Variants in ARHGAP24 observed in about 807,000 individuals in gnomAD.
ARHGAP24 encodes rho GTPase-activating protein 24.
ARHGAP24 carries 50 observed loss-of-function variants against 76.4 expected under a neutral mutation model. The ratio of observed to expected loss-of-function variants is 0.65; its 90% CI spans 0.52 to 0.83. The LOEUF (loss-of-function observed/expected upper bound fraction) is 0.83. ARHGAP24 is among the 40% of genes least tolerant of loss of function. The pLI, the probability that ARHGAP24 is intolerant of heterozygous loss-of-function variation, is 0.00. For synonymous variants in ARHGAP24, 345 were observed against 323.3 expected, an observed-to-expected ratio of 1.07 and a Z score of -0.72; for missense variants, 930 against 914.2, an observed-to-expected ratio of 1.02 and a Z score of -0.22.
rs1173155022 is a variant in ARHGAP24, at chr4:85,972,020, A to G, written c.600-16A>G. The G allele has an allele frequency of 3.7e-6, 6 of 1,613,898 alleles. No individual in the cohort carries two copies. The African/African-American group carries it at 6.7e-5, about 18-fold the overall frequency. On this transcript the variant is annotated splice_polypyrimidine_tract_variant and intron_variant, in intron 5 of 9. Transcript: ENST00000395184. ...AGTTTACTCCAAAGAATATCTTCAC[A>G]CTTCTGTCTCCACAGCAACACAGAT...
intron 3 of ARHGAP24, among the ~76,000 whole-genome samples, chr4:85,741,496 CATTTTT>C (rs70948748): frequency 0.14 from 20,811 of 152,036 alleles, 2,137 homozygotes; most frequent in East Asian, 0.54. Context: ...ATGACTTCTG[CATTTTT>C]ATTTTTATTT....
intron 3 of ARHGAP24, among the ~76,000 whole-genome samples, chr4:85,822,263 C>CT (rs1440227984): frequency 1.3e-5 from 2 of 150,714 alleles, no homozygotes; most frequent in Admixed American, 1.3e-4. Flanking sequence ...TTTCAACAAA[C>CT]CAAAAAATGA....
intron 1 of ARHGAP24, among the ~76,000 whole-genome samples, chr4:85,511,845 TG>T (rs879691957): frequency 7.9e-5 from 12 of 152,170 alleles, no homozygotes; most frequent in African/African-American, 1.2e-4. Context: ...CTGAAGCCTG[TG>T]GGGGAATCCT....
chr4:85,479,237 A>G (rs1381668333), intron 1 of ARHGAP24, among the ~76,000 whole-genome samples: 2 of 152,236 alleles, frequency 1.3e-5, no homozygotes, highest in African/African-American at 2.4e-5. Context: ...TCTATAATAG[A>G]TGAAATATTG....
chr4:85,823,414 A>G (rs926417177), intron 3 of ARHGAP24, among the ~76,000 whole-genome samples: 4 of 152,160 alleles, frequency 2.6e-5, no homozygotes, highest in Non-Finnish European at 5.9e-5. Context: ...ACTTTTAGTC[A>G]TTTAAGAACT....
At chr4:85,963,606 G>A (rs991378730) in intron 5 of ARHGAP24, among the ~76,000 whole-genome samples, 1 of 151,854 alleles carries the variant, frequency 6.6e-6, no homozygotes, top group Non-Finnish European at 1.5e-5. Flanking sequence ...AAACACCTTG[G>A]TACTATAATA....
At chr4:85,952,627 C>T (rs976228734) in intron 5 of ARHGAP24, among the ~76,000 whole-genome samples, 1 of 152,154 alleles carries the variant, frequency 6.6e-6, no homozygotes, top group Non-Finnish European at 1.5e-5. Flanking sequence ...ACTTTCTGCT[C>T]TTCTTTAATT....
intron 1 of ARHGAP24, among the ~76,000 whole-genome samples, chr4:85,494,255 C>T (rs1024865558): frequency 4.6e-5 from 7 of 151,996 alleles, no homozygotes; most frequent in African/African-American, 1.7e-4. Context: ...CCTACTGACC[C>T]ATCCTCTAAC....
chr4:85,487,778 A>C (rs1456091788), intron 1 of ARHGAP24, among the ~76,000 whole-genome samples: 1 of 107,530 alleles, frequency 9.3e-6, no homozygotes, highest in Non-Finnish European at 1.7e-5. Flanking sequence ...ATATATATTT[A>C]TTATATATTA....
intron 2 of ARHGAP24, among the ~76,000 whole-genome samples, chr4:85,693,309 G>C (rs1185563843): frequency 6.6e-6 from 1 of 152,170 alleles, no homozygotes; most frequent in Non-Finnish European, 1.5e-5. Flanking sequence ...TAGGTGTTCT[G>C]GGATGCAGGG....
intron 1 of ARHGAP24, among the ~76,000 whole-genome samples, chr4:85,564,188 G>A (rs563877110): frequency 2.0e-5 from 3 of 152,200 alleles, no homozygotes; most frequent in African/African-American, 4.8e-5. Flanking sequence ...ATATTTTGTC[G>A]TTAAAGATGT....
chr4:85,599,416 A>G (rs1312455667), intron 2 of ARHGAP24, among the ~76,000 whole-genome samples: 1 of 152,166 alleles, frequency 6.6e-6, no homozygotes, highest in Non-Finnish European at 1.5e-5. Flanking sequence ...GATAACAGAA[A>G]TCAGTATTTA....
At chr4:85,721,787 T>G (rs953761866) in intron 2 of ARHGAP24, 98 bp from the exon 3 acceptor site, 2 of 1,033,982 alleles carry the variant, frequency 1.9e-6, no homozygotes, top group South Asian at 1.3e-5. Flanking sequence ...TACTGTATAC[T>G]GGGTTATAGC....
chr4:85,495,349 T>C (rs1315256796), intron 1 of ARHGAP24, among the ~76,000 whole-genome samples: 1 of 122,890 alleles, frequency 8.1e-6, no homozygotes, highest in Non-Finnish European at 1.8e-5. Context: ...GAATTTTTTT[T>C]TTTTTTTTTT....
At chr4:85,697,678 A>G (rs1338525745) in intron 2 of ARHGAP24, among the ~76,000 whole-genome samples, 1 of 152,186 alleles carries the variant, frequency 6.6e-6, no homozygotes, top group Non-Finnish European at 1.5e-5. Context: ...GCTGTTTCTG[A>G]GGAAAAAAGT....
Position 85,923,645 on chromosome 4 carries a change from C to T in ARHGAP24, c.269-3C>T. On this transcript the variant is annotated splice_polypyrimidine_tract_variant and splice_region_variant and intron_variant, in intron 3 of 9. Transcript: ENST00000395184. ...CAGCTGCATTGTTACTGTGTTTTCA[C>T]AGGAGGCGATCGAGATCGGATGACA... 6.2e-7 allele frequency: 1 copy of T among 1,613,546 alleles called. No homozygotes were observed. Among genetic ancestry groups the T allele is most frequent in the Middle Eastern group, 1.7e-4 (1 of 6,054 alleles).
intron 2 of ARHGAP24, among the ~76,000 whole-genome samples, chr4:85,669,664 T>TATATATATGTG (rs1722755031): frequency 1.6e-5 from 1 of 61,714 alleles, no homozygotes; most frequent in Non-Finnish European, 3.4e-5. Context: ...TATATATATA[T>TATATATATGTG]ATATATATAT....
chr4:85,932,817 C>G (rs1736419216), intron 4 of ARHGAP24, among the ~76,000 whole-genome samples: 1 of 152,152 alleles, frequency 6.6e-6, no homozygotes, highest in African/African-American at 2.4e-5. Context: ...TCTCTGGAGC[C>G]CGCTGCATCC....
At chr4:85,668,146 T>G (rs955228454) in intron 2 of ARHGAP24, among the ~76,000 whole-genome samples, 1 of 152,200 alleles carries the variant, frequency 6.6e-6, no homozygotes, top group Non-Finnish European at 1.5e-5. Flanking sequence ...GAAGTCAGAG[T>G]ATAATGAGTT....
Sources: allele counts gnomAD v4.1 joint callset (sites outside exome capture counted in the v4.1 genomes callset), GRCh38; gene constraint gnomAD v4.1.1; transcripts MANE v1.5; gene names NCBI Gene and HGNC (gene_info 2026-07-23, HGNC 2026-07-21).